The following FMNL3 variants were observed in gnomAD, a reference collection of about 807,000 sequenced individuals.
FMNL3 encodes the protein formin-like protein 3.
In FMNL3, 57 loss-of-function variants were observed where a neutral mutation model predicts 119.6. That is an observed-to-expected ratio of 0.48 (90% CI 0.39 to 0.59). The LOEUF (loss-of-function observed/expected upper bound fraction) is 0.59. FMNL3 is among the 20% of genes least tolerant of loss of function. The probability of loss-of-function intolerance (pLI) is 0.00; values close to 1 mark genes in which losing one functional copy is unlikely to be tolerated. For synonymous variants in FMNL3, 491 were observed against 507.3 expected (o/e 0.97, Z 0.43); for missense variants, 1,053 against 1,323.5 (o/e 0.80, Z 3.17).
At position 49,641,674 on chromosome 12, in the gene FMNL3, A is replaced by C; in HGVS notation, c.*4141T>G. ...AACTCAGCATTAATCAGCAGTTGGG[A>C]GACATCTCCCAACCCCTTCAGCTCT... is the stretch of plus-strand genomic sequence containing the variant. On this transcript the variant is annotated 3_prime_UTR_variant, in exon 26 of 26. Transcript: ENST00000335154. 1 of 519,858 alleles carries C rather than the reference A, an allele frequency of 1.9e-6. No individual in the cohort carries two copies. The highest frequency in any genetic ancestry group is 3.0e-5 in the South Asian group (1 of 33,500). The allele number at this position is 519,858 out of a possible 1,614,324, so 32.2% of individuals were successfully genotyped here.
intron 1 of FMNL3, among the ~76,000 whole-genome samples, chr12:49,685,884 C>A (rs1035008325): frequency 6.6e-6 from 1 of 152,006 alleles, no homozygotes; most frequent in African/African-American, 2.4e-5. Context: ...GTGGCCAACA[C>A]GGTGAAACCC....
At chr12:49,676,321 A>G (rs555267638) in intron 1 of FMNL3, among the ~76,000 whole-genome samples, 1 of 152,332 alleles carries the variant, frequency 6.6e-6, no homozygotes, top group Admixed American at 6.5e-5. Context: ...AAATGTCATT[A>G]AAGGGAGGGA....
chr12:49,658,457 C>A lies in FMNL3; in HGVS notation c.590G>T (p.Arg197Leu). The A allele has an allele frequency of 6.8e-6, 11 of 1,607,230 alleles. No homozygotes were observed. Among genetic ancestry groups the A allele is most frequent in the Non-Finnish European group, 9.4e-6 (11 of 1,176,120 alleles). ...PFTNSLARSA[R>L]QSVLRYSTLP... ...GCACACATACCGGAGCACAGACTGG[C>A]GCGCAGAGCGAGCGAGGCTGTTGGT... Residue 197 changes from arginine to leucine, a missense_variant, in exon 6 of 26, where the codon CGC (arginine) becomes CTC (leucine). Physicochemically the swap from Arg to Leu is moderately radical, Grantham distance 102. Around this residue, in one of 4 missense-constraint regions of FMNL3, gnomAD observed 264 missense variants for 265.5 expected, o/e 0.99. Transcript: ENST00000335154.
chr12:49,693,014 C>T (rs1379530306), intron 1 of FMNL3, among the ~76,000 whole-genome samples: 1 of 152,124 alleles, frequency 6.6e-6, no homozygotes, highest in Non-Finnish European at 1.5e-5. Flanking sequence ...TAATGTGGAA[C>T]TTCGTAAACA....
intron 1 of FMNL3, among the ~76,000 whole-genome samples, chr12:49,694,606 TA>T (rs1256735871): frequency 7.9e-5 from 12 of 152,312 alleles, no homozygotes; most frequent in African/African-American, 2.6e-4. Context: ...TTCACCCAGA[TA>T]ATTAGTATAA....
At chr12:49,699,591 G>C (rs1026160523) in intron 1 of FMNL3, among the ~76,000 whole-genome samples, 1 of 152,174 alleles carries the variant, frequency 6.6e-6, no homozygotes, top group African/African-American at 2.4e-5. Context: ...GCAATTCCAA[G>C]AACTCCACAG....
intron 12 of FMNL3, among the ~76,000 whole-genome samples, 180 bp downstream of exon 12, chr12:49,653,545 G>A (rs961752806): frequency 2.0e-5 from 3 of 152,210 alleles, no homozygotes; most frequent in Non-Finnish European, 1.5e-5. Flanking sequence ...CCTGGAGGTC[G>A]ATGTGTATTC....
intron 1 of FMNL3, among the ~76,000 whole-genome samples, chr12:49,697,493 C>T (rs1297659716): frequency 2.6e-5 from 4 of 152,216 alleles, no homozygotes; most frequent in African/African-American, 9.6e-5. Flanking sequence ...GTGGGACTCA[C>T]CAAAACATGA....
chr12:49,689,792 C>T (rs1309920589), intron 1 of FMNL3, among the ~76,000 whole-genome samples: 1 of 152,198 alleles, frequency 6.6e-6, no homozygotes, highest in African/African-American at 2.4e-5. Flanking sequence ...CTGTCTATAA[C>T]TAAACTCCTC....
Position 49,642,613 on chromosome 12 carries a change from G to T in FMNL3, c.*3202C>A. 1 of 1,614,184 alleles carries T rather than the reference G, an allele frequency of 6.2e-7. No individual in the cohort carries two copies. Among genetic ancestry groups the T allele is most frequent in the South Asian group, 1.1e-5 (1 of 91,060 alleles). ...GCGTTTTGTGTGTGACTCAGCCTTT[G>T]AGCAGATCACCCTGGAGTCGGAGCG... On this transcript the variant is annotated 3_prime_UTR_variant, in exon 26 of 26. Transcript: ENST00000335154. This position sits in a 1 kb window ranked among gnomAD's most constrained non-coding sequence, Gnocchi z 5.8.
At position 49,637,937 on chromosome 12, in the gene FMNL3, A is replaced by G. The variant is rs1175255950; in HGVS notation, c.*7878T>C. ...GAAGCATTACAGCTTGGTTCAGCAGATATCTACTGTGATCCTTTACTGCAC... is the reference window on the plus strand; with the variant it reads ...GAAGCATTACAGCTTGGTTCAGCAGGTATCTACTGTGATCCTTTACTGCAC... On this transcript the variant is annotated 3_prime_UTR_variant, in exon 26 of 26. Coordinates refer to ENST00000335154, the MANE Select transcript of FMNL3 (RefSeq NM_175736.5). 6.1e-6 allele frequency: 5 copies of G among 813,498 alleles called. No individual in the cohort carries two copies. Among genetic ancestry groups the G allele is most frequent in the Admixed American group, 4.4e-5 (2 of 45,604 alleles). 50.4% of individuals were successfully genotyped at this position (813,498 alleles called of 1,614,324 possible).
At chr12:49,651,900 C>T in intron 14 of FMNL3, 33 bp downstream of exon 14, 4 of 1,538,398 alleles carry the variant, frequency 2.6e-6, no homozygotes, top group Non-Finnish European at 2.6e-6. Context: ...AAAGAGGCTG[C>T]CCCTGTTGGC....
chr12:49,704,283 CACT>C (rs1451908239), intron 1 of FMNL3, among the ~76,000 whole-genome samples: 1 of 152,122 alleles, frequency 6.6e-6, no homozygotes, highest in Non-Finnish European at 1.5e-5. Flanking sequence ...ACCAGGACAC[CACT>C]ATGTCACCTC....
chr12:49,683,627 C>T (rs940613387), intron 1 of FMNL3, among the ~76,000 whole-genome samples: 2 of 152,124 alleles, frequency 1.3e-5, no homozygotes, highest in African/African-American at 4.8e-5. Context: ...TCATCACCAC[C>T]ACAGAGCCAA....
chr12:49,656,897 G>A lies in FMNL3; in HGVS notation c.717C>T (p.Tyr239=), dbSNP rs376516740. ...LCLRAIMNYQ[Y]GFNLVMSHPH... is the part of the protein sequence containing the mutation. The stretch of plus-strand genomic sequence containing the variant: ...GGTGGGACATGACCAGGTTGAATCC[G>A]TACTGCAAGGGAAAGGACAGAAGGA... The change falls in exon 8 of 26, where the codon TAC becomes TAT. Residue 239 remains tyrosine (Y), a splice_region_variant and synonymous_variant. Transcript: ENST00000335154. 6.3e-5 allele frequency: 101 copies of A among 1,613,628 alleles called. No individual in the cohort carries two copies. The highest frequency in any genetic ancestry group is 7.9e-5 in the Non-Finnish European group (93 of 1,179,668).
In FMNL3 at chr12:49,654,895, G is replaced by A; in HGVS notation, c.960+15C>T. On this transcript the variant is annotated intron_variant, in intron 10 of 25. Coordinates refer to ENST00000335154, the MANE Select transcript of FMNL3 (RefSeq NM_175736.5). Reference sequence around the variant, plus strand: ...CCCTGGTGGGTATGTGCTGGACCCAGGCCCAGTTCCTCACCATGAAGTCAA... The same window carrying A: ...CCCTGGTGGGTATGTGCTGGACCCAAGCCCAGTTCCTCACCATGAAGTCAA... The A allele has an allele frequency of 6.2e-6, 10 of 1,613,424 alleles. No individual in the cohort carries two copies. The highest frequency in any genetic ancestry group is 8.5e-6 in the Non-Finnish European group (10 of 1,179,600).
Position 49,647,198 on chromosome 12 carries a change from C to A in FMNL3, c.2871+78G>T. On this transcript the variant is annotated intron_variant, in intron 24 of 25. Coordinates refer to ENST00000335154, the MANE Select transcript of FMNL3 (RefSeq NM_175736.5). This position sits in a 1 kb window ranked among gnomAD's most constrained non-coding sequence, Gnocchi z 4.9. ...TGGTCTGTCCACTCCAAGTTTTCAT[C>A]TCCTCTAGCCTTCTGACCCCCAGCC... 1 of 1,585,114 alleles carries A rather than the reference C, an allele frequency of 6.3e-7. No homozygotes were observed. The highest frequency in any genetic ancestry group is 8.6e-7 in the Non-Finnish European group (1 of 1,156,284).
chr12:49,642,763 C>T lies in FMNL3; in HGVS notation c.*3052G>A. ...GAGACCTCAGTGGCCTCCCTCTTAC[C>T]CTTAGGGCACTCCTGGCCAGCTAAG... is the stretch of plus-strand genomic sequence containing the variant. On this transcript the variant is annotated 3_prime_UTR_variant, in exon 26 of 26. Coordinates refer to ENST00000335154, the MANE Select transcript of FMNL3 (RefSeq NM_175736.5). This position sits in a 1 kb window ranked among gnomAD's most constrained non-coding sequence, Gnocchi z 5.8. 1 of 1,466,338 alleles carries T rather than the reference C, an allele frequency of 6.8e-7. No individual in the cohort carries two copies. The highest frequency in any genetic ancestry group is 9.4e-7 in the Non-Finnish European group (1 of 1,068,288). 90.8% of individuals were successfully genotyped at this position (1,466,338 alleles called of 1,614,324 possible). A position where few individuals can be genotyped will look rare whatever the true frequency, so the allele number is the denominator to read the frequency against.
Position 49,638,050 on chromosome 12 carries a change from G to A in FMNL3, c.*7765C>T. 1.9e-6 allele frequency: 1 copy of A among 522,856 alleles called. No individual in the cohort carries two copies. The allele number at this position is 522,856 out of a possible 1,614,324, so 32.4% of individuals were successfully genotyped here. A position where few individuals can be genotyped will look rare whatever the true frequency, so the allele number is the denominator to read the frequency against. On this transcript the variant is annotated 3_prime_UTR_variant, in exon 26 of 26. Coordinates refer to ENST00000335154, the MANE Select transcript of FMNL3 (RefSeq NM_175736.5). ...TATACATGAGAACTGTTATACAAAG[G>A]GGCAAGTGTTATTACAGAGACAGGA...
Sources: allele counts gnomAD v4.1 joint callset (sites outside exome capture counted in the v4.1 genomes callset), GRCh38; gene constraint gnomAD v4.1.1; regional missense constraint gnomAD v4.1.1; non-coding constraint Gnocchi (gnomAD v3.1); transcripts MANE v1.5; gene names NCBI Gene and HGNC (gene_info 2026-07-23, HGNC 2026-07-21).